The following FHOD3 variants were observed in gnomAD, a reference collection of about 807,000 sequenced individuals.
FHOD3 encodes FH1/FH2 domain-containing protein 3.
FHOD3 carries 90 observed loss-of-function variants against 173.0 expected under a neutral mutation model. The ratio of observed to expected loss-of-function variants is 0.52; its 90% CI spans 0.44 to 0.62. The LOEUF is 0.62. Among genes scored for constraint, FHOD3 ranks in the 20% least tolerant of loss-of-function variants. The probability of loss-of-function intolerance (pLI) is 0.00; values close to 1 mark genes in which losing one functional copy is unlikely to be tolerated. For synonymous variants in FHOD3, 828 were observed against 823.0 expected (o/e 1.01, Z -0.10); for missense variants, 1,945 against 2,034.7 (o/e 0.96, Z 0.85).
intron 25 of FHOD3, among the ~76,000 whole-genome samples, chr18:36,756,275 T>C (rs535874115): frequency 1.1e-4 from 16 of 152,344 alleles, no homozygotes; most frequent in Admixed American, 2.0e-4. Context: ...GTCATCTTTT[T>C]TGATATTGAC....
intron 5 of FHOD3, among the ~76,000 whole-genome samples, chr18:36,535,723 ATTG>A (rs1383629557): frequency 6.6e-6 from 1 of 152,196 alleles, no homozygotes; most frequent in Non-Finnish European, 1.5e-5. Flanking sequence ...ATTTTATGTG[ATTG>A]TTGTAACAGT....
At chr18:36,494,725 T>TG (rs2054649655) in intron 3 of FHOD3, among the ~76,000 whole-genome samples, 1 of 152,160 alleles carries the variant, frequency 6.6e-6, no homozygotes, top group Non-Finnish European at 1.5e-5. Context: ...GGGGCTGTGC[T>TG]GGGGGGACCT....
intron 3 of FHOD3, among the ~76,000 whole-genome samples, chr18:36,496,822 A>G (rs905801468): frequency 6.6e-6 from 1 of 152,216 alleles, no homozygotes; most frequent in African/African-American, 2.4e-5. Context: ...AAAATGAAAC[A>G]TCACTGCTAG....
intron 19 of FHOD3, among the ~76,000 whole-genome samples, chr18:36,727,812 C>T (rs2041154324): frequency 6.6e-6 from 1 of 152,220 alleles, no homozygotes; most frequent in South Asian, 2.1e-4. Flanking sequence ...GCTTCTCCCC[C>T]AAGCTGTTTG....
At chr18:36,483,852 G>C (rs1008079571) in intron 3 of FHOD3, among the ~76,000 whole-genome samples, 1 of 152,282 alleles carries the variant, frequency 6.6e-6, no homozygotes, top group Middle Eastern at 3.4e-3. Context: ...AGCCACTCCT[G>C]GCATGGACTC....
chr18:36,726,433 G>C (rs2041074822), intron 19 of FHOD3, among the ~76,000 whole-genome samples: 1 of 152,118 alleles, frequency 6.6e-6, no homozygotes, highest in South Asian at 2.1e-4. Flanking sequence ...TTCCTCTCCT[G>C]TTACTGATAC....
chr18:36,416,641 G>T (rs2049665775), intron 3 of FHOD3, among the ~76,000 whole-genome samples: 1 of 152,196 alleles, frequency 6.6e-6, no homozygotes, highest in Non-Finnish European at 1.5e-5. Flanking sequence ...GTTGCTGTCA[G>T]CTTAACCTGG....
At chr18:36,678,549 G>GAAGA (rs374492675) in intron 14 of FHOD3, among the ~76,000 whole-genome samples, 41 of 111,742 alleles carry the variant, frequency 3.7e-4, no homozygotes, top group Non-Finnish European at 5.9e-4. Flanking sequence ...AAAAAAAAAA[G>GAAGA]AAGAAAGAAA....
chr18:36,620,882 A>G (rs1030239673), intron 9 of FHOD3, among the ~76,000 whole-genome samples: 111 of 152,352 alleles, frequency 7.3e-4, no homozygotes, highest in Admixed American at 1.2e-3. Context: ...GGCAGCAACG[A>G]AGCCTACAAG....
intron 24 of FHOD3, among the ~76,000 whole-genome samples, chr18:36,751,863 GCA>G (rs368845408): frequency 1.4e-4 from 22 of 152,262 alleles, no homozygotes; most frequent in African/African-American, 4.8e-4. Flanking sequence ...ACTGTGAAAG[GCA>G]CAGAGAGGGA....
chr18:36,687,233 T>A, intron 16 of FHOD3, 55 bp downstream of exon 16: 1 of 1,267,086 alleles, frequency 7.9e-7, no homozygotes, highest in African/African-American at 1.5e-5. Flanking sequence ...TTTGCACTGT[T>A]AACCTAGCAT....
chr18:36,310,096 A>G (rs1194597202), intron 1 of FHOD3, among the ~76,000 whole-genome samples: 2 of 152,226 alleles, frequency 1.3e-5, no homozygotes, highest in Non-Finnish European at 2.9e-5. Flanking sequence ...ATGTGTGTTG[A>G]CACCCAAAGA....
chr18:36,368,449 G>T (rs1051972055), intron 2 of FHOD3, among the ~76,000 whole-genome samples: 1 of 152,078 alleles, frequency 6.6e-6, no homozygotes, highest in African/African-American at 2.4e-5. Context: ...GCACACATCT[G>T]GGGGGCAGCT....
chr18:36,604,945 C>A (rs917565736), intron 8 of FHOD3, among the ~76,000 whole-genome samples: 1 of 152,068 alleles, frequency 6.6e-6, no homozygotes, highest in African/African-American at 2.4e-5. Context: ...AAAAGAAATA[C>A]ATATGAAAAC....
intron 5 of FHOD3, among the ~76,000 whole-genome samples, chr18:36,548,771 A>C (rs1459580243): frequency 1.3e-5 from 2 of 152,036 alleles, no homozygotes; most frequent in Admixed American, 6.5e-5. Context: ...ATTCCTTTTC[A>C]TTGCTGGGTA....
At chr18:36,577,617 T>A (rs1167390911) in intron 6 of FHOD3, among the ~76,000 whole-genome samples, 1 of 152,222 alleles carries the variant, frequency 6.6e-6, no homozygotes, top group East Asian at 1.9e-4. Context: ...AGGTGTTTTA[T>A]AAGCGTGATC....
At chr18:36,530,495 ATGAG>A (rs2056737974) in intron 5 of FHOD3, among the ~76,000 whole-genome samples, 1 of 152,190 alleles carries the variant, frequency 6.6e-6, no homozygotes, top group Admixed American at 6.5e-5. Flanking sequence ...TGTTGAGAGA[ATGAG>A]TGAGTGTAAT....
intron 3 of FHOD3, among the ~76,000 whole-genome samples, chr18:36,462,024 G>A (rs1344544721): frequency 6.6e-6 from 1 of 152,210 alleles, no homozygotes; most frequent in Non-Finnish European, 1.5e-5. Context: ...AGAATAATAT[G>A]CAAAAGTGAA....
At chr18:36,422,410 A>G (rs1202322033) in intron 3 of FHOD3, among the ~76,000 whole-genome samples, 1 of 152,186 alleles carries the variant, frequency 6.6e-6, no homozygotes, top group Non-Finnish European at 1.5e-5. Context: ...TCTGCTGTCT[A>G]TTCTTGGCCA....
Sources: gnomAD v4.1 joint callset for allele counts (sites outside exome capture counted in the v4.1 genomes callset) on GRCh38, gnomAD v4.1.1 for gene constraint, MANE v1.5 for transcripts, NCBI Gene and HGNC (gene_info 2026-07-23, HGNC 2026-07-21) for gene names.